KCNK9: variants seen among roughly 807,000 people sequenced by gnomAD.
KCNK9 encodes potassium two pore domain channel subfamily K member 9.
Under a neutral mutation model 10.8 loss-of-function variants are expected in KCNK9, and 1 was observed. That is an observed-to-expected ratio of 0.09 (90% CI 0.03 to 0.44). The LOEUF (loss-of-function observed/expected upper bound fraction) is 0.44. KCNK9 is among the 20% of genes least tolerant of loss of function. The pLI, the probability that KCNK9 is intolerant of heterozygous loss-of-function variation, is 0.97. For synonymous variants in KCNK9, 231 were observed against 222.7 expected (o/e 1.04, Z -0.33); for missense variants, 303 against 515.0 (o/e 0.59, Z 3.98).
At chr8:139,644,526 T>C (rs751110289) in intron 1 of KCNK9, among the ~76,000 whole-genome samples, 1 of 152,182 alleles carries the variant, frequency 6.6e-6, no homozygotes, top group Non-Finnish European at 1.5e-5. Flanking sequence ...CTGGGAACAC[T>C]GAGTGGGTTC....
chr8:139,669,210 T>C (rs1816371578), intron 1 of KCNK9, among the ~76,000 whole-genome samples: 1 of 152,184 alleles, frequency 6.6e-6, no homozygotes, highest in African/African-American at 2.4e-5. Flanking sequence ...TGGCTGCTGA[T>C]TGATTAGGGT....
chr8:139,677,297 G>C (rs1031832738), intron 1 of KCNK9, among the ~76,000 whole-genome samples: 2 of 152,144 alleles, frequency 1.3e-5, no homozygotes, highest in Non-Finnish European at 2.9e-5. Flanking sequence ...TGAGGAAACT[G>C]AGGCAGAGGC....
chr8:139,646,610 G>T (rs1230071382), intron 1 of KCNK9, among the ~76,000 whole-genome samples: 1 of 152,180 alleles, frequency 6.6e-6, no homozygotes, highest in Non-Finnish European at 1.5e-5. Context: ...TGCCCTAAAG[G>T]ACTGTACCAT....
chr8:139,630,222 A>C (rs1815120293), intron 1 of KCNK9, among the ~76,000 whole-genome samples: 1 of 152,174 alleles, frequency 6.6e-6, no homozygotes, highest in Non-Finnish European at 1.5e-5. Context: ...ATTTTACCCC[A>C]ATTTTGAAAA....
intron 1 of KCNK9, among the ~76,000 whole-genome samples, chr8:139,620,604 G>C (rs762445888): frequency 1.3e-5 from 2 of 152,006 alleles, no homozygotes; most frequent in Non-Finnish European, 2.9e-5. Flanking sequence ...GTCTGTCTCC[G>C]GTGGTGTGAA....
intron 1 of KCNK9, among the ~76,000 whole-genome samples, chr8:139,627,926 C>T (rs140021446): frequency 1.0e-3 from 152 of 152,364 alleles, no homozygotes; most frequent in African/African-American, 3.5e-3. Context: ...ATCCTGGCCC[C>T]AGGACGGTGG....
rs557929431 is a variant in KCNK9, at chr8:139,671,947, C to G, written c.283+30763G>C. Among the ~76,000 whole-genome samples the G allele has an allele frequency of 2.0e-5, 3 of 152,298 alleles. No individual in the cohort carries two copies. In the East Asian group the frequency reaches 5.8e-4, roughly 29 times the overall value. On this transcript the variant is annotated intron_variant, in intron 1 of 1. Coordinates refer to ENST00000520439, the MANE Select transcript of KCNK9 (RefSeq NM_001282534.2). Reference sequence around the variant, plus strand: ...CCCCCACCTGTCCTCATGGGGTCTGCAGTGCAGTGGGAGAGGCAGATGTGA... The same window carrying G: ...CCCCCACCTGTCCTCATGGGGTCTGGAGTGCAGTGGGAGAGGCAGATGTGA...
At chr8:139,625,961 C>A (rs1215563804) in intron 1 of KCNK9, among the ~76,000 whole-genome samples, 1 of 152,128 alleles carries the variant, frequency 6.6e-6, no homozygotes, top group Admixed American at 6.5e-5. Context: ...CTGTTCTGAA[C>A]AGCATTATTT....
downstream of KCNK9, among the ~76,000 whole-genome samples, chr8:139,611,046 T>C (rs2130086617): frequency 6.6e-6 from 1 of 152,368 alleles, no homozygotes; most frequent in South Asian, 2.1e-4. Context: ...ATTTCCTCCA[T>C]GAAGCCCTGC....
At chr8:139,637,688 T>G (rs1365191025) in intron 1 of KCNK9, among the ~76,000 whole-genome samples, 2 of 151,886 alleles carry the variant, frequency 1.3e-5, no homozygotes, top group African/African-American at 4.8e-5. Flanking sequence ...TATAGCACAG[T>G]GCTTACAGCT....
chr8:139,621,282 C>G (rs1358970540), intron 1 of KCNK9, among the ~76,000 whole-genome samples: 1 of 138,672 alleles, frequency 7.2e-6, no homozygotes, highest in Non-Finnish European at 1.5e-5. Flanking sequence ...CAGAGCGAGA[C>G]TCCATCTCAA....
At chr8:139,662,515 C>G (rs1816182102) in intron 1 of KCNK9, among the ~76,000 whole-genome samples, 1 of 152,140 alleles carries the variant, frequency 6.6e-6, no homozygotes. Flanking sequence ...TGTGCCACCA[C>G]CAGCCGCTGG....
chr8:139,626,461 G>C (rs1814979923), intron 1 of KCNK9, among the ~76,000 whole-genome samples: 1 of 152,200 alleles, frequency 6.6e-6, no homozygotes, highest in South Asian at 2.1e-4. Flanking sequence ...ACTGCAGTGG[G>C]GTGGAGTGGA....
At chr8:139,696,898 TA>T (rs1817070458) in intron 1 of KCNK9, among the ~76,000 whole-genome samples, 1 of 143,688 alleles carries the variant, frequency 7.0e-6, no homozygotes, top group African/African-American at 2.7e-5. Context: ...GGTGGATGAA[TA>T]GATGGATGGG....
At chr8:139,696,649 G>A (rs919602059) in intron 1 of KCNK9, among the ~76,000 whole-genome samples, 2 of 152,212 alleles carry the variant, frequency 1.3e-5, no homozygotes, top group African/African-American at 4.8e-5. Flanking sequence ...GGGAAGGAGG[G>A]AGGGAAGAAG....
rs73724569 is a variant in KCNK9, at chr8:139,606,895, A to C, written c.*1-5294T>G. Among the ~76,000 whole-genome samples, 541 of 152,286 alleles carry C rather than the reference A, an allele frequency of 3.6e-3. 1 individual carries two copies. The highest frequency in any genetic ancestry group is 0.012 in the African/African-American group (491 of 41,546). Reference sequence around the variant, plus strand: ...TCAACAGTTTTGCCTAACCCAGTGCAATATCTATTTAGTGGAGATTTCTGA... The same window carrying C: ...TCAACAGTTTTGCCTAACCCAGTGCCATATCTATTTAGTGGAGATTTCTGA... On this transcript the variant is annotated intron_variant, in intron 2 of 2. Transcript: ENST00000650269.
chr8:139,695,804 C>T (rs1817036328), intron 1 of KCNK9, among the ~76,000 whole-genome samples: 1 of 152,182 alleles, frequency 6.6e-6, no homozygotes, highest in African/African-American at 2.4e-5. Flanking sequence ...CTACTGAGAA[C>T]AAGCATTGCA....
chr8:139,613,343 T>A (rs1003245303), downstream of KCNK9, among the ~76,000 whole-genome samples: 9 of 152,146 alleles, frequency 5.9e-5, no homozygotes, highest in African/African-American at 2.2e-4. Context: ...GTCATAGATT[T>A]GCTGTTTTCC....
At chr8:139,612,811 C>T (rs1037127980), downstream of KCNK9, 1 of 151,778 alleles carries the variant, frequency 6.6e-6, no homozygotes, top group Admixed American at 6.6e-5. Context: ...TTTTTTTTGC[C>T]AAAACTGTCT....
Sources: allele counts gnomAD v4.1 joint callset (sites outside exome capture counted in the v4.1 genomes callset), GRCh38; gene constraint gnomAD v4.1.1; transcripts MANE v1.5; gene names NCBI Gene and HGNC (gene_info 2026-07-23, HGNC 2026-07-21).